The following PRH1 variants were observed in gnomAD, a reference collection of about 807,000 sequenced individuals.
The protein encoded by PRH1 is salivary acidic proline-rich phosphoprotein 1/2.
A neutral mutation model predicts 7.9 loss-of-function variants in PRH1; 7 were observed. That is an observed-to-expected ratio of 0.89 (90% CI 0.50 to 1.67). PRH1 has a LOEUF of 1.67. PRH1 is among the 40% of genes most tolerant of loss of function. PRH1 has a pLI of 0.00. For missense variants in PRH1, 109 were observed against 223.6 expected (o/e 0.49, Z 3.27); for synonymous variants, 45 against 80.8 (o/e 0.56, Z 2.38).
chr12:10,988,199 A>T (rs922069541), intron 1 of PRH1, among the ~76,000 whole-genome samples: 7 of 152,136 alleles, frequency 4.6e-5, no homozygotes, highest in African/African-American at 1.7e-4. Flanking sequence ...GAATCCAAAG[A>T]TATATGAGAT....
chr12:11,092,535 G>T lies in PRH1; in HGVS notation n.124-45347C>A, dbSNP rs1168026347. ...TTTTCCTTTTTTGTCCTATCAGAGT[G>T]CCCTTTTATCAATCCTCCCTCCGAC... On this transcript the variant is annotated intron_variant and non_coding_transcript_variant, in intron 1 of 4. Transcript: ENST00000541977. Among the ~76,000 whole-genome samples the T allele has an allele frequency of 1.7e-5, 2 of 115,142 alleles. 1 individual carries two copies. Among genetic ancestry groups the T allele is most frequent in the Non-Finnish European group, 4.1e-5 (2 of 48,702 alleles). 75.5% of individuals were successfully genotyped at this position (115,142 alleles called of 152,430 possible). A position where few individuals can be genotyped will look rare whatever the true frequency, so the allele number is the denominator to read the frequency against.
At chr12:10,930,941 G>C (rs1950200752) in intron 2 of PRH1, 1 of 1,606,304 alleles carries the variant, frequency 6.2e-7, no homozygotes, top group Admixed American at 1.7e-5. Context: ...AGGCCACAAG[G>C]ACCACCCCAA....
At chr12:11,065,882 CT>C (rs1265166878) in intron 1 of PRH1, among the ~76,000 whole-genome samples, 1 of 152,136 alleles carries the variant, frequency 6.6e-6, no homozygotes. Flanking sequence ...TGGATAGTAG[CT>C]TGTCTGTTGC....
chr12:10,949,916 C>T (rs1453210134), intron 2 of PRH1, among the ~76,000 whole-genome samples: 2 of 152,070 alleles, frequency 1.3e-5, no homozygotes, highest in Admixed American at 1.3e-4. Context: ...GTTTTGCCAC[C>T]AATGTAATAA....
intron 1 of PRH1, among the ~76,000 whole-genome samples, chr12:11,093,777 G>C (rs573667698): frequency 8.8e-6 from 1 of 113,806 alleles, no homozygotes; most frequent in East Asian, 2.1e-4. Flanking sequence ...ATAGAGATTT[G>C]AGATGGCTTC....
At chr12:10,959,177 T>C in intron 2 of PRH1, among the ~76,000 whole-genome samples, 1 of 152,074 alleles carries the variant, frequency 6.6e-6, no homozygotes, top group Non-Finnish European at 1.5e-5. Flanking sequence ...TTTTTTTTAG[T>C]CTAAGCATCT....
chr12:11,066,995 C>T (rs1943849230), intron 1 of PRH1, among the ~76,000 whole-genome samples: 1 of 152,106 alleles, frequency 6.6e-6, no homozygotes, highest in Admixed American at 6.6e-5. Flanking sequence ...ATACTCTCTG[C>T]AATAATACAG....
intron 2 of PRH1, among the ~76,000 whole-genome samples, chr12:10,917,960 T>A (rs1284030738): frequency 6.6e-6 from 1 of 152,194 alleles, no homozygotes; most frequent in Non-Finnish European, 1.5e-5. Context: ...TGAGCAGATA[T>A]CAGTGCCTGC....
At chr12:11,036,186 C>A (rs370417950) in intron 1 of PRH1, among the ~76,000 whole-genome samples, 13 of 151,708 alleles carry the variant, frequency 8.6e-5, no homozygotes, top group African/African-American at 2.9e-4. Flanking sequence ...AGCCACCGCG[C>A]CCGCCCTATG....
At chr12:11,118,829 C>T (rs1336706581), downstream of PRH1, among the ~76,000 whole-genome samples, 3 of 151,856 alleles carry the variant, frequency 2.0e-5, no homozygotes, top group Admixed American at 6.6e-5. Context: ...CCCATCGCTA[C>T]TAAAAATACA....
chr12:10,931,154 T>C (rs1950205942), intron 2 of PRH1: 3 of 1,585,216 alleles, frequency 1.9e-6, no homozygotes, highest in South Asian at 1.2e-5. Context: ...CCAGTGAATC[T>C]ATTGAAAAGC....
intron 2 of PRH1, among the ~76,000 whole-genome samples, chr12:10,901,463 T>C (rs1949722666): frequency 6.6e-6 from 1 of 152,188 alleles, no homozygotes; most frequent in South Asian, 2.1e-4. Context: ...GGTGCTTGTG[T>C]CTGCCATTGG....
At chr12:10,937,370 G>A (rs960829500) in intron 2 of PRH1, 6 of 151,828 alleles carry the variant, frequency 4.0e-5, no homozygotes, top group Non-Finnish European at 8.8e-5. Context: ...TCAGAGGAGA[G>A]GGAAAATATG....
chr12:11,101,432 T>C (rs534793134), intron 1 of PRH1, among the ~76,000 whole-genome samples: 31 of 152,200 alleles, frequency 2.0e-4, no homozygotes, highest in African/African-American at 6.3e-4. Context: ...AGAGGCTGCA[T>C]TGAGCCAAGA....
chr12:11,066,379 A>G (rs1943812520), intron 1 of PRH1, among the ~76,000 whole-genome samples: 1 of 152,114 alleles, frequency 6.6e-6, no homozygotes, highest in Admixed American at 6.5e-5. Flanking sequence ...AGTTTTAGTT[A>G]CACTAAAATC....
intron 1 of PRH1, among the ~76,000 whole-genome samples, chr12:11,083,291 G>A (rs79038950): frequency 0.49 from 31,260 of 63,768 alleles, 9,604 homozygotes; most frequent in Non-Finnish European, 0.63. Flanking sequence ...GATGTTTCAA[G>A]GTAAGAATAA....
chr12:10,963,278 AAC>A (rs1187015870), intron 2 of PRH1, among the ~76,000 whole-genome samples: 4 of 152,182 alleles, frequency 2.6e-5, no homozygotes, highest in African/African-American at 9.7e-5. Context: ...TGAATATGTC[AAC>A]ACACTTTCTC....
In PRH1 at chr12:10,884,158, A is replaced by C. The variant is rs1259582707; in HGVS notation, c.60T>G (p.Asn20Lys). 1.2e-6 allele frequency: 2 copies of C among 1,614,114 alleles called. No individual in the cohort carries two copies. Among genetic ancestry groups the C allele is most frequent in the Non-Finnish European group, 8.5e-7 (1 of 1,180,006 alleles). Residue 20 changes from asparagine (N) to lysine (K), a missense_variant, in exon 1 of 4, where the codon AAT (asparagine) becomes AAG (lysine). This residue lies in a region of PRH1 where 60 missense variants were observed against 76.5 expected (regional missense o/e 0.78). Transcript: ENST00000543626. ...LLAFSSAQDL[N>K]EDVSQEDVPL... The stretch of plus-strand genomic sequence containing the variant: ...TCTTCCCCCAATTCATCTTACCTTC[A>C]TTTAAATCCTGAGCTGAGCTGAAGG...
intron 1 of PRH1, among the ~76,000 whole-genome samples, chr12:11,161,163 G>A (rs889239668): frequency 6.4e-5 from 8 of 125,978 alleles, no homozygotes; most frequent in African/African-American, 1.9e-4. Context: ...TGACCCCAAG[G>A]CAATCTTGGA....
Sources: allele counts gnomAD v4.1 joint callset (sites outside exome capture counted in the v4.1 genomes callset), GRCh38; gene constraint gnomAD v4.1.1; regional missense constraint gnomAD v4.1.1; transcripts MANE v1.5; gene names NCBI Gene and HGNC (gene_info 2026-07-23, HGNC 2026-07-21).